Variants in ARHGAP6 observed in about 807,000 individuals in gnomAD.
ARHGAP6 encodes the protein Rho GTPase activating protein 6.
A neutral mutation model predicts 55.7 loss-of-function variants in ARHGAP6; 16 were observed. The ratio of observed to expected loss-of-function variants is 0.29; its 90% CI spans 0.19 to 0.44. The LOEUF (loss-of-function observed/expected upper bound fraction) is 0.44. Among genes scored for constraint, ARHGAP6 ranks in the 20% least tolerant of loss-of-function variants. ARHGAP6 has a pLI of 1.00. For synonymous variants in ARHGAP6, 382 were observed against 360.9 expected (o/e 1.06, Z -0.66); for missense variants, 698 against 808.9 (o/e 0.86, Z 1.66).
At chrX:11,181,978 G>A (rs1182546665) in intron 6 of ARHGAP6, 85 bp downstream of exon 6, 37 of 744,468 alleles carry the variant, frequency 5.0e-5, no homozygotes, top group Non-Finnish European at 1.2e-5. Context: ...TAATCAAAAT[G>A]GAATTTGCAT....
chrX:11,412,169 T>C (rs1322596557), intron 1 of ARHGAP6, among the ~76,000 whole-genome samples: 1 of 111,465 alleles, frequency 9.0e-6, no homozygotes, highest in Non-Finnish European at 1.9e-5. Flanking sequence ...TGAAAAACAG[T>C]CCCCCAAATG....
At chrX:11,369,166 TTTTGTTTG>T (rs753815332) in intron 1 of ARHGAP6, among the ~76,000 whole-genome samples, 5 of 111,277 alleles carry the variant, frequency 4.5e-5, no homozygotes, top group African/African-American at 6.5e-5. Context: ...GTGGTAGGTT[TTTTGTTTG>T]TTTGTTTGTT....
In ARHGAP6 at chrX:11,488,457, G is replaced by A. The variant is rs955218508; in HGVS notation, c.588+175784C>T. Reference sequence around the variant, plus strand: ...ATCTTTAATCACCACCATTAAAAACGATATAAAATGAAACAAAGCTCTATT... The same window carrying A: ...ATCTTTAATCACCACCATTAAAAACAATATAAAATGAAACAAAGCTCTATT... On this transcript the variant is annotated intron_variant, in intron 1 of 12. Transcript: ENST00000337414. Among the ~76,000 whole-genome samples, 3 of 111,237 alleles carry A rather than the reference G, an allele frequency of 2.7e-5. No individual in the cohort carries two copies. In the Admixed American group the frequency reaches 2.9e-4, roughly 11 times the overall value.
intron 1 of ARHGAP6, among the ~76,000 whole-genome samples, chrX:11,338,079 C>G (rs2048661550): frequency 9.0e-6 from 1 of 111,015 alleles, no homozygotes; most frequent in Non-Finnish European, 1.9e-5. Context: ...GAGAACAGCA[C>G]CAAGCCATTT....
chrX:11,516,181 T>C (rs1360759823), intron 1 of ARHGAP6, among the ~76,000 whole-genome samples: 2 of 112,716 alleles, frequency 1.8e-5, no homozygotes, highest in Admixed American at 1.9e-4. Flanking sequence ...AAGTATTTTT[T>C]AAAATTACAT....
intron 2 of ARHGAP6, among the ~76,000 whole-genome samples, chrX:11,207,983 A>C (rs2046731477): frequency 9.0e-6 from 1 of 111,612 alleles, no homozygotes; most frequent in African/African-American, 3.3e-5. Flanking sequence ...ATAGTCATCA[A>C]TTCCCAATGT....
rs189211390 is a variant in ARHGAP6 at position 11,391,014 on chromosome X, C to T, written c.589-136307G>A. Among the ~76,000 whole-genome samples the T allele has an allele frequency of 5.2e-3, 579 of 111,976 alleles. 5 individuals carry two copies. Among genetic ancestry groups the T allele is most frequent in the African/African-American group, 0.013 (386 of 30,798 alleles). On this transcript the variant is annotated intron_variant, in intron 1 of 12. Coordinates refer to ENST00000337414, the MANE Select transcript of ARHGAP6 (RefSeq NM_013427.3). ...ATGCTGCTATGAAGACACATGCACA[C>T]GTATGTTTATTGTGGCACTATTCAC... is the stretch of plus-strand genomic sequence containing the variant.
chrX:11,359,020 T>A (rs2048974297), intron 1 of ARHGAP6, among the ~76,000 whole-genome samples: 1 of 112,379 alleles, frequency 8.9e-6, no homozygotes, highest in Non-Finnish European at 1.9e-5. Flanking sequence ...TCAGCTTGAT[T>A]TAGAAGAATT....
chrX:11,495,997 C>G (rs958992072), intron 1 of ARHGAP6, among the ~76,000 whole-genome samples: 1 of 112,045 alleles, frequency 8.9e-6, no homozygotes, highest in Non-Finnish European at 1.9e-5. Context: ...TAAGGAGATT[C>G]TGCAAACAAC....
chrX:11,211,420 C>T (rs752657751), intron 2 of ARHGAP6, among the ~76,000 whole-genome samples: 45 of 109,670 alleles, frequency 4.1e-4, no homozygotes, highest in African/African-American at 1.0e-3. Context: ...TTAGTAGAGA[C>T]GGGGTTTCAC....
chrX:11,281,237 A>T (rs868097120), intron 1 of ARHGAP6, among the ~76,000 whole-genome samples: 1 of 111,044 alleles, frequency 9.0e-6, no homozygotes, highest in Non-Finnish European at 1.9e-5. Flanking sequence ...TGCTACAAAA[A>T]TACAGAATAG....
chrX:11,310,178 AAAT>A (rs2147598852), intron 1 of ARHGAP6, among the ~76,000 whole-genome samples: 1 of 95,433 alleles, frequency 1.0e-5, no homozygotes, highest in African/African-American at 4.0e-5. Flanking sequence ...AAAAAAAAAA[AAAT>A]TATCACATCA....
At chrX:11,332,468 C>T (rs2048574940) in intron 1 of ARHGAP6, among the ~76,000 whole-genome samples, 1 of 111,979 alleles carries the variant, frequency 8.9e-6, no homozygotes, top group African/African-American at 3.2e-5. Flanking sequence ...AGCAGAAAGT[C>T]ATGTGTTTTG....
intron 6 of ARHGAP6, among the ~76,000 whole-genome samples, chrX:11,179,748 ATATATG>A (rs1168814344): frequency 1.1e-5 from 1 of 91,786 alleles, no homozygotes; most frequent in Non-Finnish European, 2.1e-5. Context: ...GTATATACAT[ATATATG>A]TATATGTATA....
At chrX:11,250,352 G>T (rs1257848644) in intron 2 of ARHGAP6, among the ~76,000 whole-genome samples, 1 of 112,064 alleles carries the variant, frequency 8.9e-6, no homozygotes, top group Non-Finnish European at 1.9e-5. Context: ...ATCCAGTTGA[G>T]ACTCTGTGTT....
At chrX:11,469,009 G>A (rs1403285212) in intron 1 of ARHGAP6, among the ~76,000 whole-genome samples, 1 of 112,240 alleles carries the variant, frequency 8.9e-6, no homozygotes, top group Non-Finnish European at 1.9e-5. Context: ...GTGAAGGCAG[G>A]CATCTGCAAA....
chrX:11,530,930 T>C (rs1046759902), intron 1 of ARHGAP6, among the ~76,000 whole-genome samples: 4 of 111,768 alleles, frequency 3.6e-5, no homozygotes, highest in African/African-American at 1.3e-4. Context: ...AGTTCAATTA[T>C]AGCATAATCA....
chrX:11,151,440 T>G (rs762138631), intron 10 of ARHGAP6, among the ~76,000 whole-genome samples: 84 of 110,067 alleles, frequency 7.6e-4, no homozygotes, highest in African/African-American at 2.7e-3. Context: ...AACTTTTAAA[T>G]TTTTCTTTAG....
At chrX:11,217,115 T>C (rs1195849101) in intron 2 of ARHGAP6, among the ~76,000 whole-genome samples, 10 of 112,409 alleles carry the variant, frequency 8.9e-5, no homozygotes, top group Admixed American at 6.6e-4. Context: ...CAGTCTATCA[T>C]TGATGGGCAT....
Sources: allele counts gnomAD v4.1 joint callset (sites outside exome capture counted in the v4.1 genomes callset), GRCh38; gene constraint gnomAD v4.1.1; transcripts MANE v1.5; gene names NCBI Gene and HGNC (gene_info 2026-07-23, HGNC 2026-07-21).